HCFC2: variants seen among roughly 807,000 people sequenced by gnomAD.
The protein encoded by HCFC2 is host cell factor 2.
Under a neutral mutation model 89.2 loss-of-function variants are expected in HCFC2, and 18 were observed. The observed-to-expected ratio is 0.20, with a 90% CI of 0.14 to 0.30. The LOEUF (loss-of-function observed/expected upper bound fraction) is 0.30, where lower values mean the gene tolerates loss of function less well. Ranked by LOEUF, HCFC2 falls within the 10% of genes least tolerant of loss-of-function variation. The pLI is 1.00. For synonymous variants in HCFC2, 308 were observed against 335.7 expected, an observed-to-expected ratio of 0.92 and a Z score of 0.90; for missense variants, 578 against 956.1, an observed-to-expected ratio of 0.60 and a Z score of 5.21.
intron 4 of HCFC2, among the ~76,000 whole-genome samples, 189 bp downstream of exon 4, chr12:104,079,842 G>T (rs761497216): frequency 6.6e-6 from 1 of 152,202 alleles, no homozygotes; most frequent in Non-Finnish European, 1.5e-5. Flanking sequence ...TTTGGTTTAT[G>T]ACAGTAACTC....
chr12:104,083,916 T>G (rs1256666390), intron 7 of HCFC2, among the ~76,000 whole-genome samples: 1 of 152,000 alleles, frequency 6.6e-6, no homozygotes, highest in Non-Finnish European at 1.5e-5. Context: ...CCCAGCTTCT[T>G]GGGAGGCTGA....
intron 9 of HCFC2, among the ~76,000 whole-genome samples, chr12:104,088,478 T>G (rs1268455763): frequency 1.3e-5 from 2 of 152,256 alleles, no homozygotes; most frequent in Non-Finnish European, 2.9e-5. Flanking sequence ...TTTTGTTTAC[T>G]GAAGAATATC....
intron 9 of HCFC2, among the ~76,000 whole-genome samples, chr12:104,089,951 C>T (rs1883977550): frequency 6.6e-6 from 1 of 152,014 alleles, no homozygotes; most frequent in Non-Finnish European, 1.5e-5. Flanking sequence ...CTCCTGGAGC[C>T]CCCTGTCCTT....
intron 2 of HCFC2, 31 bp downstream of exon 2, chr12:104,066,346 G>A (rs1348724731): frequency 6.7e-7 from 1 of 1,493,264 alleles, no homozygotes; most frequent in Non-Finnish European, 9.0e-7. Flanking sequence ...TTCATTCTGA[G>A]GCTTTAATAA....
intron 3 of HCFC2, among the ~76,000 whole-genome samples, chr12:104,073,115 CATAT>C (rs1384467054): frequency 6.7e-6 from 1 of 149,598 alleles, no homozygotes; most frequent in Non-Finnish European, 1.5e-5. Context: ...GAGTTCTTTA[CATAT>C]ATATATTTTT....
chr12:104,082,633 A>C (rs746002803), intron 6 of HCFC2, 27 bp downstream of exon 6: 1 of 1,571,896 alleles, frequency 6.4e-7, no homozygotes, highest in South Asian at 1.1e-5. Context: ...TTACTCATTG[A>C]ATTAATCTTT....
chr12:104,085,622 T>A, intron 7 of HCFC2, among the ~76,000 whole-genome samples: 1 of 152,146 alleles, frequency 6.6e-6, no homozygotes, highest in East Asian at 1.9e-4. Context: ...ATGGCTATGA[T>A]CATAAGGGCA....
intron 8 of HCFC2, 67 bp downstream of exon 8, chr12:104,087,081 G>A (rs551471275): frequency 1.7e-4 from 262 of 1,505,968 alleles, no homozygotes; most frequent in African/African-American, 1.3e-3. Flanking sequence ...CTGGCCGGGC[G>A]CGGTGGCTCA....
intron 12 of HCFC2, among the ~76,000 whole-genome samples, chr12:104,096,648 T>C (rs1884186594): frequency 6.6e-6 from 1 of 152,220 alleles, no homozygotes; most frequent in African/African-American, 2.4e-5. Flanking sequence ...GTTCCCAATT[T>C]TATTAAAAAA....
intron 9 of HCFC2, among the ~76,000 whole-genome samples, chr12:104,093,072 CTGT>C (rs1458944534): frequency 6.6e-6 from 1 of 152,054 alleles, no homozygotes; most frequent in Non-Finnish European, 1.5e-5. Context: ...TTGTTCTCTC[CTGT>C]GTTATATATG....
chr12:104,100,102 T>C (rs946933090), intron 13 of HCFC2, among the ~76,000 whole-genome samples: 1 of 152,148 alleles, frequency 6.6e-6, no homozygotes, highest in African/African-American at 2.4e-5. Context: ...TATTCCTCAT[T>C]TTACAATTAA....
chr12:104,096,156 G>A (rs1448917307), intron 11 of HCFC2, among the ~76,000 whole-genome samples: 1 of 151,956 alleles, frequency 6.6e-6, no homozygotes, highest in Non-Finnish European at 1.5e-5. Flanking sequence ...TGAGTTAAAG[G>A]GTCAATATTA....
chr12:104,089,229 A>G (rs1482291905), intron 9 of HCFC2, among the ~76,000 whole-genome samples: 1 of 152,076 alleles, frequency 6.6e-6, no homozygotes, highest in African/African-American at 2.4e-5. Context: ...AAAATAATCC[A>G]CGGCCAGGCG....
chr12:104,072,443 A>G (rs374569994), intron 3 of HCFC2, among the ~76,000 whole-genome samples: 25 of 152,150 alleles, frequency 1.6e-4, no homozygotes, highest in African/African-American at 5.5e-4. Flanking sequence ...CTGATTATAT[A>G]TCAGTTTGAG....
Position 104,105,354 on chromosome 12 carries a change from A to G in HCFC2, c.*2081A>G, listed in dbSNP as rs139680755. 1 of 152,158 alleles carries G rather than the reference A, an allele frequency of 6.6e-6. No individual in the cohort carries two copies. Among genetic ancestry groups the G allele is most frequent in the Non-Finnish European group, 1.5e-5 (1 of 67,886 alleles). 9.4% of individuals were successfully genotyped at this position (152,158 alleles called of 1,614,324 possible). ...GAAGCCCTTCTCCTGATAACAAGGA[A>G]TAAGTTGATTTTAAGCAAAGGATAG... On this transcript the variant is annotated 3_prime_UTR_variant, in exon 15 of 15. Transcript: ENST00000229330.
chr12:104,096,417 C>T lies in HCFC2; in HGVS notation c.1724C>T (p.Thr575Ile). 6.2e-7 allele frequency: 1 copy of T among 1,607,660 alleles called. No homozygotes were observed. The change falls in exon 12 of 15, where the codon ACA (threonine) becomes ATA (isoleucine). Residue 575 changes from threonine (T) to isoleucine (I), a missense_variant. Transcript: ENST00000229330. ...TKISRVETHA[T>I]ATPFSKETPS... is the part of the protein sequence containing the mutation. ...ATCAGCCGTGTAGAGACACATGCTA[C>T]AGCAACGCCGTTTTCTGTAAGTACA... is the stretch of plus-strand genomic sequence containing the variant.
chr12:104,065,045 T>C, intron 1 of HCFC2: 1 of 250,234 alleles, frequency 4.0e-6, no homozygotes, highest in Non-Finnish European at 7.5e-6. Flanking sequence ...CCTGGGCCAC[T>C]CCCCGAAATC....
chr12:104,080,926 AT>A, intron 5 of HCFC2, 96 bp downstream of exon 5: 2 of 734,562 alleles, frequency 2.7e-6, no homozygotes, highest in Middle Eastern at 5.4e-4. Context: ...TTGGAAATAG[AT>A]TATGAAACTT....
At chr12:104,074,756 G>T (rs1189816081) in intron 3 of HCFC2, among the ~76,000 whole-genome samples, 5 of 152,046 alleles carry the variant, frequency 3.3e-5, no homozygotes, top group Non-Finnish European at 7.4e-5. Flanking sequence ...GTCTTTATAT[G>T]GGGGAGTAGG....
Sources: allele counts gnomAD v4.1 joint callset (sites outside exome capture counted in the v4.1 genomes callset), GRCh38; gene constraint gnomAD v4.1.1; transcripts MANE v1.5; gene names NCBI Gene and HGNC (gene_info 2026-07-23, HGNC 2026-07-21).